Variants in MXD1 observed in about 807,000 individuals in gnomAD.
MXD1 encodes the protein MAX-binding protein.
MXD1 carries 9 observed loss-of-function variants against 25.7 expected under a neutral mutation model. The ratio of observed to expected loss-of-function variants is 0.35; its 90% confidence interval spans 0.21 to 0.61. The LOEUF (loss-of-function observed/expected upper bound fraction) is 0.61. Among genes scored for constraint, MXD1 ranks in the 20% least tolerant of loss-of-function variants. The pLI is 0.75. For missense variants in MXD1, 227 were observed against 292.4 expected (o/e 0.78, Z 1.63); for synonymous variants, 99 against 113.9 (o/e 0.87, Z 0.83).
chr2:69,922,501 A>G (rs1677085932), intron 3 of MXD1, among the ~76,000 whole-genome samples: 1 of 152,222 alleles, frequency 6.6e-6, no homozygotes, highest in Non-Finnish European at 1.5e-5. Context: ...TACATTATAC[A>G]CATACACTTG....
intron 3 of MXD1, among the ~76,000 whole-genome samples, chr2:69,931,151 C>A (rs1026805429): frequency 6.6e-6 from 1 of 152,100 alleles, no homozygotes; most frequent in Non-Finnish European, 1.5e-5. Flanking sequence ...GGTGTTCATC[C>A]CCTCAAGCAT....
At position 69,938,835 on chromosome 2, in the gene MXD1, C is replaced by T. The variant is rs563840927; in HGVS notation, c.*551C>T. 18 of 153,326 alleles carry T rather than the reference C, an allele frequency of 1.2e-4. No individual in the cohort carries two copies. The South Asian group carries it at 2.6e-3, about 23-fold the overall frequency. 9.5% of individuals were successfully genotyped at this position (153,326 alleles called of 1,614,324 possible). A position where few individuals can be genotyped will look rare whatever the true frequency, so the allele number is the denominator to read the frequency against. ...TCTAGAAAACACGCCCTTCACACCG[C>T]GCATGCTCATTCCCCCGACGCGCCG... On this transcript the variant is annotated 3_prime_UTR_variant, in exon 6 of 6. Coordinates refer to ENST00000264444, the MANE Select transcript of MXD1 (RefSeq NM_002357.4).
Position 69,941,404 on chromosome 2 carries a change from C to T in MXD1, c.*3120C>T, listed in dbSNP as rs1157141737. 6.6e-6 allele frequency: 1 copy of T among 152,180 alleles called. No individual in the cohort carries two copies. The highest frequency in any genetic ancestry group is 2.4e-5 in the African/African-American group (1 of 41,440). 9.4% of individuals were successfully genotyped at this position (152,180 alleles called of 1,614,324 possible). On this transcript the variant is annotated 3_prime_UTR_variant, in exon 6 of 6. Transcript: ENST00000264444. ...AAGGTGCTGATAGCAACTGCTGGCT[C>T]CTTTCTGTAGTCACACACCTAATGC...
intron 2 of MXD1, 198 bp downstream of exon 2, chr2:69,916,418 A>G (rs535690083): frequency 4.8e-6 from 2 of 419,930 alleles, no homozygotes; most frequent in South Asian, 4.3e-5. Context: ...AGAAAAATAG[A>G]AATGTTTTAC....
intron 3 of MXD1, among the ~76,000 whole-genome samples, chr2:69,922,389 C>T (rs1017568559): frequency 1.3e-5 from 2 of 152,174 alleles, no homozygotes; most frequent in Non-Finnish European, 2.9e-5. Context: ...AATCAAGTTG[C>T]CCCTCCTTCA....
rs1246027920 is a variant in MXD1, at chr2:69,938,255, G to A, written c.637G>A (p.Asp213Asn). The A allele has an allele frequency of 6.2e-7, 1 of 1,614,058 alleles. No homozygotes were observed. The highest frequency in any genetic ancestry group is 8.5e-7 in the Non-Finnish European group (1 of 1,180,034). The change falls in exon 6 of 6, where the codon GAC (aspartate) becomes AAC (asparagine). Residue 213 changes from aspartate to asparagine, a missense_variant. By Grantham distance (23) the Asp-to-Asn change is conservative. Transcript: ENST00000264444. ...CAGCATCAAGAGAATAAAGCTGCAG[G>A]ACAGTCACAAGGCGTGTCTTGGTCT... Reference protein sequence around the residue: ...STSIKRIKLQDSHKACLGL With the variant: ...STSIKRIKLQNSHKACLGL
Position 69,915,409 on chromosome 2 carries a change from CG to C in MXD1, c.73+10del, listed in dbSNP as rs1456687128. The C allele has an allele frequency of 2.8e-5, 35 of 1,270,786 alleles. No individual in the cohort carries two copies. The highest frequency in any genetic ancestry group is 3.4e-5 in the Non-Finnish European group (34 of 998,724). 78.7% of individuals were successfully genotyped at this position (1,270,786 alleles called of 1,614,324 possible). On this transcript the variant is annotated splice_region_variant and intron_variant, in intron 1 of 5. Coordinates refer to ENST00000264444, the MANE Select transcript of MXD1 (RefSeq NM_002357.4). The surrounding 1 kb of genome is among the most constrained non-coding windows in gnomAD (Gnocchi z 5.8). ...TCTGGAGCGGCGGGAGAGAGGTGCA[CG>C]GGGACGGGGAGGGGTCCACTCGAAA...
At position 69,915,262 on chromosome 2, in the gene MXD1, C is replaced by T. The variant is rs1490278573; in HGVS notation, c.-69C>T. On this transcript the variant is annotated 5_prime_UTR_variant, in exon 1 of 6. Transcript: ENST00000264444. The surrounding 1 kb of genome is among the most constrained non-coding windows in gnomAD (Gnocchi z 5.8). Reference sequence around the variant, plus strand: ...GCGGGCTCCATAGCGGGCTCCACAGCGGTCCGGCGGCGGCAGCGAGCCCGT... The same window carrying T: ...GCGGGCTCCATAGCGGGCTCCACAGTGGTCCGGCGGCGGCAGCGAGCCCGT... The T allele has an allele frequency of 3.2e-6, 4 of 1,262,850 alleles. No homozygotes were observed. Among genetic ancestry groups the T allele is most frequent in the Non-Finnish European group, 3.0e-6 (3 of 986,802 alleles). 78.2% of individuals were successfully genotyped at this position (1,262,850 alleles called of 1,614,324 possible). A position where few individuals can be genotyped will look rare whatever the true frequency, so the allele number is the denominator to read the frequency against.
chr2:69,927,908 A>G (rs920039354), intron 3 of MXD1, among the ~76,000 whole-genome samples: 6 of 152,172 alleles, frequency 3.9e-5, no homozygotes, highest in Non-Finnish European at 1.5e-5. Context: ...GCACTTGGCA[A>G]TTGTTTATAA....
chr2:69,929,564 A>G lies in MXD1; in HGVS notation c.204-5787A>G, dbSNP rs963610298. On this transcript the variant is annotated intron_variant, in intron 3 of 5. Coordinates refer to ENST00000264444, the MANE Select transcript of MXD1 (RefSeq NM_002357.4). The stretch of plus-strand genomic sequence containing the variant: ...AGCTCTGGTAGGAGCTGGTGCCTCA[A>G]ACAGCTTGGCACCTTCTTCATTAAT... Among the ~76,000 whole-genome samples, 4 of 152,226 alleles carry G rather than the reference A, an allele frequency of 2.6e-5. 1 individual carries two copies. The highest frequency in any genetic ancestry group is 5.9e-5 in the Non-Finnish European group (4 of 68,038).
chr2:69,927,022 A>G (rs1558569799), intron 3 of MXD1, among the ~76,000 whole-genome samples: 1 of 152,342 alleles, frequency 6.6e-6, no homozygotes, highest in East Asian at 1.9e-4. Flanking sequence ...CCTGTGACAG[A>G]AGATTTCTGT....
At chr2:69,919,936 A>G (rs970869097) in intron 2 of MXD1, among the ~76,000 whole-genome samples, 3 of 152,058 alleles carry the variant, frequency 2.0e-5, no homozygotes, top group Admixed American at 2.0e-4. Flanking sequence ...TCAGCCTCCC[A>G]AAGTGCTGAG....
intron 5 of MXD1, 58 bp downstream of exon 5, chr2:69,937,452 G>GAGGT (rs2104212834): frequency 6.6e-7 from 1 of 1,505,078 alleles, no homozygotes; most frequent in East Asian, 2.3e-5. Flanking sequence ...CCAGAGCAGG[G>GAGGT]GTTCAGTACT....
rs773339337 is a variant in MXD1 at position 69,938,303 on chromosome 2, TG to T, written c.*20del. ...TCTCTAAGAGAGTGGGCACTGCGGC[TG>T]TCTCCTTGAAGGTTCTCCCTGTTGG... On this transcript the variant is annotated 3_prime_UTR_variant, in exon 6 of 6. Transcript: ENST00000264444. 1.2e-6 allele frequency: 2 copies of T among 1,612,144 alleles called. No individual in the cohort carries two copies. Among genetic ancestry groups the T allele is most frequent in the East Asian group, 4.5e-5 (2 of 44,842 alleles).
intron 3 of MXD1, 64 bp downstream of exon 3, chr2:69,921,829 C>G: frequency 6.4e-7 from 1 of 1,559,582 alleles, no homozygotes. Context: ...TCATGCAGTT[C>G]AAACTTGGTT....
At chr2:69,918,577 G>A (rs1226390320) in intron 2 of MXD1, among the ~76,000 whole-genome samples, 8 of 152,170 alleles carry the variant, frequency 5.3e-5, no homozygotes, top group Admixed American at 4.6e-4. Context: ...AGCAAGCTTT[G>A]GCACTCACGT....
At chr2:69,937,882 G>A (rs573345964) in intron 5 of MXD1, among the ~76,000 whole-genome samples, 15 of 152,274 alleles carry the variant, frequency 9.9e-5, no homozygotes, top group African/African-American at 3.6e-4. Flanking sequence ...CCAAAGTGCT[G>A]GGATTACAGG....
intron 3 of MXD1, among the ~76,000 whole-genome samples, chr2:69,932,780 TCA>T (rs1412241976): frequency 2.0e-5 from 3 of 152,190 alleles, no homozygotes; most frequent in Non-Finnish European, 4.4e-5. Flanking sequence ...CTAAAAAAAT[TCA>T]CACACTCATA....
In MXD1 at chr2:69,939,548, T is replaced by C. The variant is rs1677547622; in HGVS notation, c.*1264T>C. 1 of 152,672 alleles carries C rather than the reference T, an allele frequency of 6.5e-6. No homozygotes were observed. The highest frequency in any genetic ancestry group is 1.5e-5 in the Non-Finnish European group (1 of 68,036). 9.5% of individuals were successfully genotyped at this position (152,672 alleles called of 1,614,324 possible). On this transcript the variant is annotated 3_prime_UTR_variant, in exon 6 of 6. Transcript: ENST00000264444. ...ATTCATTTTATATAAACTAATGTAA[T>C]GGAAAACAAATTCTTATGACTTTGT...
Sources: allele counts gnomAD v4.1 joint callset (sites outside exome capture counted in the v4.1 genomes callset), GRCh38; gene constraint gnomAD v4.1.1; non-coding constraint Gnocchi (gnomAD v3.1); transcripts MANE v1.5; gene names NCBI Gene and HGNC (gene_info 2026-07-23, HGNC 2026-07-21).